The following ST6GALNAC3 variants were observed in gnomAD, a reference collection of about 807,000 sequenced individuals.
The protein encoded by ST6GALNAC3 is ST6 N-acetylgalactosaminide alpha-2,6-sialyltransferase 3.
ST6GALNAC3 carries 25 observed loss-of-function variants against 32.7 expected under a neutral mutation model. The ratio of observed to expected loss-of-function variants is 0.76; its 90% CI spans 0.56 to 1.07. ST6GALNAC3 has a LOEUF of 1.07. ST6GALNAC3 is among the 50% of genes least tolerant of loss of function. The probability of loss-of-function intolerance (pLI) is 0.00; values close to 1 mark genes in which losing one functional copy is unlikely to be tolerated. For missense variants in ST6GALNAC3, 355 were observed against 382.4 expected, an observed-to-expected ratio of 0.93 and a Z score of 0.60; for synonymous variants, 129 against 133.1, an observed-to-expected ratio of 0.97 and a Z score of 0.21.
chr1:76,373,810 T>TA lies in ST6GALNAC3; in HGVS notation c.214-38191dup, dbSNP rs988399400. Among the ~76,000 whole-genome samples, 3 of 152,304 alleles carry TA rather than the reference T, an allele frequency of 2.0e-5. No individual in the cohort carries two copies. The South Asian group carries it at 6.2e-4, about 32-fold the overall frequency. ...AGAGAAATAAATGTTAGGTTTCACA[T>TA]AAAAAAAGTCCTTTTCAGAAAGAGG... On this transcript the variant is annotated intron_variant, in intron 2 of 4. Transcript: ENST00000328299.
intron 2 of ST6GALNAC3, among the ~76,000 whole-genome samples, chr1:76,350,414 A>G (rs1345960779): frequency 6.6e-6 from 1 of 152,196 alleles, no homozygotes; most frequent in Non-Finnish European, 1.5e-5. Flanking sequence ...CATTGGGTTC[A>G]AAAAGAAATA....
intron 1 of ST6GALNAC3, among the ~76,000 whole-genome samples, chr1:76,200,142 T>C (rs934736593): frequency 6.6e-6 from 1 of 152,246 alleles, no homozygotes; most frequent in African/African-American, 2.4e-5. Context: ...TTTTTAGCAG[T>C]AACTGACTGG....
intron 1 of ST6GALNAC3, among the ~76,000 whole-genome samples, chr1:76,202,923 T>C (rs1439387430): frequency 6.6e-6 from 1 of 152,238 alleles, no homozygotes; most frequent in Non-Finnish European, 1.5e-5. Flanking sequence ...CACTTCCTGA[T>C]ATAGTCTGCA....
At chr1:76,322,605 T>A (rs1257589674) in intron 2 of ST6GALNAC3, among the ~76,000 whole-genome samples, 2 of 152,230 alleles carry the variant, frequency 1.3e-5, no homozygotes, top group African/African-American at 2.4e-5. Flanking sequence ...AATTTGTCAC[T>A]AAGTAGATGG....
chr1:76,332,023 G>T (rs1647195975), intron 2 of ST6GALNAC3, among the ~76,000 whole-genome samples: 1 of 152,188 alleles, frequency 6.6e-6, no homozygotes, highest in Non-Finnish European at 1.5e-5. Flanking sequence ...GGTCAGATTT[G>T]TTAAAGTCAT....
chr1:76,393,360 C>A (rs1000641256), intron 2 of ST6GALNAC3, among the ~76,000 whole-genome samples: 1 of 152,088 alleles, frequency 6.6e-6, no homozygotes, highest in Non-Finnish European at 1.5e-5. Flanking sequence ...TTCTGTGGGG[C>A]AGTGGGAGAA....
chr1:76,280,531 G>A (rs998770904), intron 1 of ST6GALNAC3, among the ~76,000 whole-genome samples: 2 of 152,158 alleles, frequency 1.3e-5, no homozygotes, highest in South Asian at 2.1e-4. Context: ...GTGACCTTCT[G>A]TTACACATAC....
intron 3 of ST6GALNAC3, among the ~76,000 whole-genome samples, chr1:76,450,132 G>A (rs1234905568): frequency 6.6e-6 from 1 of 152,120 alleles, no homozygotes; most frequent in Non-Finnish European, 1.5e-5. Flanking sequence ...TCTACTTTTA[G>A]TTCTTTAAGG....
At position 76,561,821 on chromosome 1, in the gene ST6GALNAC3, A is replaced by G. The variant is rs925329539; in HGVS notation, c.624-65631A>G. Among the ~76,000 whole-genome samples the G allele has an allele frequency of 2.6e-5, 4 of 152,334 alleles. No individual in the cohort carries two copies. The East Asian group carries it at 7.7e-4, about 29-fold the overall frequency. On this transcript the variant is annotated intron_variant, in intron 3 of 4. Coordinates refer to ENST00000328299, the MANE Select transcript of ST6GALNAC3 (RefSeq NM_152996.4). ...CTTTTACATGCATTTTCAAAGCAGC[A>G]TTATTTTTACAGTCAAAGAGTGGAA...
intron 1 of ST6GALNAC3, among the ~76,000 whole-genome samples, chr1:76,141,511 C>T (rs868037735): frequency 1.2e-4 from 18 of 152,258 alleles, no homozygotes; most frequent in Middle Eastern, 3.4e-3. Flanking sequence ...GGAGAATCAG[C>T]ATTCAACAAA....
intron 2 of ST6GALNAC3, among the ~76,000 whole-genome samples, chr1:76,343,214 T>C (rs1210292406): frequency 6.6e-6 from 1 of 152,196 alleles, no homozygotes; most frequent in Non-Finnish European, 1.5e-5. Flanking sequence ...TTTGATAAAA[T>C]AAATGCCTAC....
chr1:76,075,450 C>G (rs1015387271), intron 1 of ST6GALNAC3, among the ~76,000 whole-genome samples: 4 of 152,176 alleles, frequency 2.6e-5, no homozygotes, highest in Non-Finnish European at 5.9e-5. Context: ...AAAGTTCACA[C>G]GAGGATGTAT....
At chr1:76,112,209 C>T (rs1648038694) in intron 1 of ST6GALNAC3, among the ~76,000 whole-genome samples, 1 of 141,970 alleles carries the variant, frequency 7.0e-6, no homozygotes. Flanking sequence ...AGGCGCCCCT[C>T]ACCTCCCGGA....
At chr1:76,448,055 G>T (rs752277676) in intron 3 of ST6GALNAC3, among the ~76,000 whole-genome samples, 8 of 152,062 alleles carry the variant, frequency 5.3e-5, no homozygotes, top group Admixed American at 5.2e-4. Flanking sequence ...GACACTCAAC[G>T]CCAGCCAGTG....
At chr1:76,112,040 C>T (rs1379117060) in intron 1 of ST6GALNAC3, among the ~76,000 whole-genome samples, 2 of 151,132 alleles carry the variant, frequency 1.3e-5, no homozygotes, top group Admixed American at 6.6e-5. Flanking sequence ...CCTCACCTCC[C>T]GGATGGGGAG....
intron 1 of ST6GALNAC3, among the ~76,000 whole-genome samples, chr1:76,096,514 C>G (rs879524394): frequency 5.3e-5 from 8 of 151,998 alleles, no homozygotes; most frequent in Non-Finnish European, 1.2e-4. Flanking sequence ...TTCAGTCCTT[C>G]ACGCTGTAAA....
intron 3 of ST6GALNAC3, among the ~76,000 whole-genome samples, chr1:76,457,662 T>G (rs376333312): frequency 1.2e-4 from 18 of 152,056 alleles, no homozygotes; most frequent in East Asian, 3.9e-4. Flanking sequence ...AAATGGTGCT[T>G]GGAAAACTGG....
At chr1:76,318,454 C>T (rs116342223) in intron 2 of ST6GALNAC3, among the ~76,000 whole-genome samples, 1,664 of 152,164 alleles carry the variant, frequency 0.011, 35 homozygotes, top group African/African-American at 0.038. Flanking sequence ...TGAAAGTCTT[C>T]GCTGGCCACG....
intron 3 of ST6GALNAC3, among the ~76,000 whole-genome samples, chr1:76,447,051 G>A (rs1240148468): frequency 6.6e-6 from 1 of 152,018 alleles, no homozygotes; most frequent in East Asian, 1.9e-4. Context: ...CTCAGAAGAA[G>A]ACAGGAAAAT....
Sources: allele counts gnomAD v4.1 joint callset (sites outside exome capture counted in the v4.1 genomes callset), GRCh38; gene constraint gnomAD v4.1.1; transcripts MANE v1.5; gene names NCBI Gene and HGNC (gene_info 2026-07-23, HGNC 2026-07-21).